ANKRD11: variants seen among roughly 807,000 people sequenced by gnomAD.
The protein encoded by ANKRD11 is ankyrin repeat domain-containing protein 11.
Under a neutral mutation model 195.7 loss-of-function variants are expected in ANKRD11, and 17 were observed. The observed-to-expected ratio is 0.09, with a 90% CI of 0.06 to 0.13. The LOEUF (loss-of-function observed/expected upper bound fraction) is 0.13. Ranked by LOEUF, ANKRD11 falls within the 10% of genes least tolerant of loss-of-function variation. The pLI is 1.00. For missense variants in ANKRD11, 3,735 were observed against 3,566.1 expected, an observed-to-expected ratio of 1.05 and a Z score of -1.21; for synonymous variants, 1,953 against 1,528.1, an observed-to-expected ratio of 1.28 and a Z score of -6.49.
chr16:89,378,537 C>T (rs2040513935), intron 2 of ANKRD11, among the ~76,000 whole-genome samples: 1 of 152,124 alleles, frequency 6.6e-6, no homozygotes, highest in African/African-American at 2.4e-5. Flanking sequence ...GCTAAATGTA[C>T]GTGCTATAAG....
chr16:89,278,569 A>G (rs2033861989), intron 9 of ANKRD11: 1 of 457,190 alleles, frequency 2.2e-6, no homozygotes, highest in African/African-American at 2.0e-5. Flanking sequence ...CCGAGGACCA[A>G]GCTGCCCCAA....
intron 1 of ANKRD11, among the ~76,000 whole-genome samples, chr16:89,433,286 CCCTCCAGGCTCTTTCAGTCTG>C (rs2043076823): frequency 6.6e-6 from 1 of 152,174 alleles, no homozygotes; most frequent in Admixed American, 6.5e-5. Flanking sequence ...ACATATGGAT[CCCTCCAGGCTCTTTCAGTCTG>C]CTAACCTACA....
chr16:89,370,508 A>G (rs1464135814), intron 2 of ANKRD11, among the ~76,000 whole-genome samples: 2 of 152,164 alleles, frequency 1.3e-5, no homozygotes, highest in Non-Finnish European at 2.9e-5. Flanking sequence ...CCAACCAAGC[A>G]AAGAGAAGAC....
chr16:89,348,976 A>G (rs1369932648), intron 2 of ANKRD11, among the ~76,000 whole-genome samples: 1 of 151,024 alleles, frequency 6.6e-6, no homozygotes, highest in African/African-American at 2.4e-5. Flanking sequence ...AAAAATACAA[A>G]AACTAGCCAG....
At chr16:89,300,679 C>A in intron 4 of ANKRD11, 1 of 537,712 alleles carries the variant, frequency 1.9e-6, no homozygotes, top group South Asian at 2.5e-5. Flanking sequence ...CAGCCGTCTC[C>A]TATCTGAGGC....
At position 89,291,733 on chromosome 16, in the gene ANKRD11, C is replaced by T. The variant is rs138768979; in HGVS notation, c.227-550G>A. 466 of 1,289,848 alleles carry T rather than the reference C, an allele frequency of 3.6e-4. 6 individuals are homozygous for T. The African/African-American group carries it at 6.0e-3, about 17-fold the overall frequency. The allele number at this position is 1,289,848 out of a possible 1,614,324, so 79.9% of individuals were successfully genotyped here. On this transcript the variant is annotated intron_variant, in intron 4 of 12. Transcript: ENST00000301030. This position sits in a 1 kb window ranked among gnomAD's most constrained non-coding sequence, Gnocchi z 5.3. ...TCTCATGCCATGGTGCTTCGAGGAG[C>T]GTACCAGCCTTGCAGCACCACAACA...
chr16:89,351,149 CA>C, intron 2 of ANKRD11, among the ~76,000 whole-genome samples: 1 of 152,182 alleles, frequency 6.6e-6, no homozygotes, highest in Admixed American at 6.5e-5. Context: ...ATGGCGGGCA[CA>C]AGAGCTCGTC....
intron 1 of ANKRD11, among the ~76,000 whole-genome samples, chr16:89,447,410 G>C (rs1237251550): frequency 1.3e-5 from 2 of 152,122 alleles, no homozygotes. Context: ...CACATAGCAC[G>C]ATCTAGAGTG....
Position 89,285,747 on chromosome 16 carries a change from G to C in ANKRD11, c.893-98C>G. ...GCTCTGCAGATGTGTCTGCGGGAAG[G>C]TTCCCACCCTGCCTCTGCAGAGACA... is the stretch of plus-strand genomic sequence containing the variant. On this transcript the variant is annotated intron_variant, in intron 8 of 12. Coordinates refer to ENST00000301030, the MANE Select transcript of ANKRD11 (RefSeq NM_013275.6). This position sits in a 1 kb window ranked among gnomAD's most constrained non-coding sequence, Gnocchi z 5.6. 1 of 1,369,528 alleles carries C rather than the reference G, an allele frequency of 7.3e-7. No homozygotes were observed. The highest frequency in any genetic ancestry group is 1.0e-6 in the Non-Finnish European group (1 of 966,422). 84.8% of individuals were successfully genotyped at this position (1,369,528 alleles called of 1,614,324 possible).
intron 2 of ANKRD11, among the ~76,000 whole-genome samples, chr16:89,355,777 CG>C (rs1254644442): frequency 6.6e-6 from 1 of 152,222 alleles, no homozygotes; most frequent in Non-Finnish European, 1.5e-5. Context: ...GCCTGACAAT[CG>C]CATCTGCACC....
intron 1 of ANKRD11, among the ~76,000 whole-genome samples, chr16:89,444,949 G>A (rs1252950236): frequency 1.3e-5 from 2 of 151,782 alleles, no homozygotes; most frequent in Non-Finnish European, 2.9e-5. Context: ...ATCACCACAG[G>A]AGCAGGCAGG....
chr16:89,303,314 C>G (rs2035964891), intron 4 of ANKRD11, among the ~76,000 whole-genome samples: 2 of 152,200 alleles, frequency 1.3e-5, no homozygotes, highest in African/African-American at 2.4e-5. Context: ...AGCATGGGGA[C>G]CAAAGACGGC....
rs1555523386 is a variant in ANKRD11, at chr16:89,274,909, G to A, written c.7618C>T (p.Arg2540Trp). The change falls in exon 11 of 13, where the codon CGG becomes TGG. Residue 2540 changes from arginine to tryptophan, a missense_variant. Physicochemically the swap from Arg to Trp is moderately radical, Grantham distance 101. Coordinates refer to ENST00000301030, the MANE Select transcript of ANKRD11 (RefSeq NM_013275.6). ...CEQEILRVHCRAARTIANQAV... is the reference protein window; with the variant it reads ...CEQEILRVHCWAARTIANQAV... ...TGGTTGGCGATGGTCCTGGCCGCCC[G>A]GCAGTGAACCCGCAGAATCTCCTGC... The A allele has an allele frequency of 1.2e-6, 2 of 1,613,592 alleles. No homozygotes were observed. The highest frequency in any genetic ancestry group is 1.7e-6 in the Non-Finnish European group (2 of 1,180,014).
intron 1 of ANKRD11, among the ~76,000 whole-genome samples, chr16:89,430,573 C>G (rs1177433857): frequency 6.6e-6 from 1 of 152,210 alleles, no homozygotes; most frequent in Non-Finnish European, 1.5e-5. Flanking sequence ...TCAACTCTCA[C>G]GCTCAGACGT....
chr16:89,425,929 T>C (rs2042699043), intron 1 of ANKRD11, among the ~76,000 whole-genome samples: 1 of 152,198 alleles, frequency 6.6e-6, no homozygotes, highest in South Asian at 2.1e-4. Context: ...CAATTCTCTT[T>C]ATACCATTTA....
intron 4 of ANKRD11, among the ~76,000 whole-genome samples, chr16:89,292,742 G>C (rs2035144870): frequency 6.6e-6 from 1 of 152,232 alleles, no homozygotes; most frequent in Admixed American, 6.5e-5. Context: ...GGCAAACACG[G>C]TGGTTGGGGA....
chr16:89,288,793 G>A, intron 6 of ANKRD11, 123 bp from the exon 7 acceptor site: 1 of 1,379,392 alleles, frequency 7.2e-7, no homozygotes, highest in Non-Finnish European at 1.0e-6. Flanking sequence ...CTGCCCTGTA[G>A]TGAGGGCTGC....
At chr16:89,437,425 A>G (rs947962427) in intron 1 of ANKRD11, among the ~76,000 whole-genome samples, 25 of 152,078 alleles carry the variant, frequency 1.6e-4, no homozygotes, top group African/African-American at 5.8e-4. Flanking sequence ...TGACTCCTCC[A>G]CACCCCTACT....
intron 2 of ANKRD11, among the ~76,000 whole-genome samples, chr16:89,384,744 G>A (rs972249091): frequency 9.2e-5 from 14 of 152,068 alleles, no homozygotes; most frequent in Non-Finnish European, 1.9e-4. Flanking sequence ...TGGTCTTACT[G>A]TATTTTTGGC....
Sources: allele counts gnomAD v4.1 joint callset (sites outside exome capture counted in the v4.1 genomes callset), GRCh38; gene constraint gnomAD v4.1.1; non-coding constraint Gnocchi (gnomAD v3.1); transcripts MANE v1.5; gene names NCBI Gene and HGNC (gene_info 2026-07-23, HGNC 2026-07-21).